The following MAST4 variants were observed in gnomAD, a reference collection of about 807,000 sequenced individuals.
MAST4 encodes microtubule associated serine/threonine kinase family member 4, also known as microtubule-associated serine/threonine-protein kinase 4.
MAST4 carries 89 observed loss-of-function variants against 162.7 expected under a neutral mutation model. The observed-to-expected ratio is 0.55, with a 90% CI of 0.46 to 0.65. The LOEUF (loss-of-function observed/expected upper bound fraction) is 0.65, where lower values mean the gene tolerates loss of function less well. Ranked by LOEUF, MAST4 falls within the 30% of genes least tolerant of loss-of-function variation. The pLI, the probability that MAST4 is intolerant of heterozygous loss-of-function variation, is 0.00. For missense variants in MAST4, 3,153 were observed against 3,374.0 expected, an observed-to-expected ratio of 0.93 and a Z score of 1.62; for synonymous variants, 1,479 against 1,361.1, an observed-to-expected ratio of 1.09 and a Z score of -1.91.
At chr5:66,728,368 A>T (rs996775016) in intron 1 of MAST4, among the ~76,000 whole-genome samples, 2 of 152,180 alleles carry the variant, frequency 1.3e-5, no homozygotes, top group African/African-American at 2.4e-5. Flanking sequence ...ATCCAAGTTG[A>T]GATGGTTCCG....
intron 4 of MAST4, among the ~76,000 whole-genome samples, chr5:66,978,327 C>G (rs1008635253): frequency 6.6e-6 from 1 of 152,108 alleles, no homozygotes; most frequent in African/African-American, 2.4e-5. Context: ...TAAAATGCTC[C>G]TATTCTAGTT....
intron 3 of MAST4, among the ~76,000 whole-genome samples, chr5:66,879,251 C>T (rs1283679504): frequency 6.7e-6 from 1 of 149,012 alleles, no homozygotes; most frequent in Non-Finnish European, 1.5e-5. Flanking sequence ...TGCACTCCAG[C>T]CTGGGTGACA....
intron 3 of MAST4, among the ~76,000 whole-genome samples, chr5:66,837,023 C>CGTGTGTGTGTGTGT (rs544483226): frequency 0.012 from 1,745 of 144,712 alleles, 35 homozygotes; most frequent in African/African-American, 0.038. Context: ...CATGCAGGAT[C>CGTGTGTGTGTGTGT]ATGTGTGTGT....
intron 1 of MAST4, among the ~76,000 whole-genome samples, chr5:66,730,813 A>G (rs1751800160): frequency 6.6e-6 from 1 of 151,838 alleles, no homozygotes; most frequent in South Asian, 2.1e-4. Flanking sequence ...ATGTTGATTG[A>G]CAACATGCCA....
At chr5:66,965,225 C>CTTTTTTTTTTTTTTTTTTTTTTTTA (rs1187971815) in intron 4 of MAST4, among the ~76,000 whole-genome samples, 1 of 84,898 alleles carries the variant, frequency 1.2e-5, no homozygotes. Flanking sequence ...TTTTTTTTTG[C>CTTTTTTTTTTTTTTTTTTTTTTTTA]TTTTTTTTTT....
At chr5:66,849,605 A>G (rs1759153179) in intron 3 of MAST4, among the ~76,000 whole-genome samples, 1 of 152,118 alleles carries the variant, frequency 6.6e-6, no homozygotes, top group Non-Finnish European at 1.5e-5. Flanking sequence ...CCTTCTGCAG[A>G]CCACCATCAC....
At chr5:67,079,830 C>T (rs1762398242) in intron 5 of MAST4, among the ~76,000 whole-genome samples, 2 of 152,176 alleles carry the variant, frequency 1.3e-5, no homozygotes, top group Admixed American at 1.3e-4. Context: ...CTTAATTTAT[C>T]CTTACCACCA....
At chr5:66,758,986 G>A (rs1423244159) in intron 1 of MAST4, among the ~76,000 whole-genome samples, 1 of 152,194 alleles carries the variant, frequency 6.6e-6, no homozygotes, top group East Asian at 1.9e-4. Flanking sequence ...AGTATGAGAG[G>A]CTTTCTTACA....
chr5:66,706,968 C>T (rs1750172961), intron 1 of MAST4, among the ~76,000 whole-genome samples: 1 of 152,140 alleles, frequency 6.6e-6, no homozygotes, highest in South Asian at 2.1e-4. Context: ...CCGTGCTAGC[C>T]TTTCAGTTAC....
chr5:66,749,217 C>G (rs1329536657), intron 1 of MAST4, among the ~76,000 whole-genome samples: 1 of 152,090 alleles, frequency 6.6e-6, no homozygotes, highest in African/African-American at 2.4e-5. Flanking sequence ...CATCATCTCT[C>G]TGCATCCTAA....
intron 4 of MAST4, among the ~76,000 whole-genome samples, chr5:67,053,534 G>A (rs772862791): frequency 6.6e-6 from 1 of 152,144 alleles, no homozygotes; most frequent in Non-Finnish European, 1.5e-5. Flanking sequence ...TCTGACTACT[G>A]TATTGCTAAT....
At chr5:66,911,072 A>T (rs1348221705) in intron 4 of MAST4, among the ~76,000 whole-genome samples, 1 of 152,060 alleles carries the variant, frequency 6.6e-6, no homozygotes, top group East Asian at 1.9e-4. Context: ...AAGTTGTTTT[A>T]TGATGTCACC....
chr5:67,149,313 GTC>G, intron 23 of MAST4, 74 bp from the exon 24 acceptor site: 1 of 1,336,376 alleles, frequency 7.5e-7, no homozygotes, highest in Non-Finnish European at 1.1e-6. Flanking sequence ...TCTTCCTGCT[GTC>G]TCTCTCTTCC....
intron 9 of MAST4, 113 bp downstream of exon 9, chr5:67,102,724 C>T: frequency 1.3e-6 from 1 of 782,934 alleles, no homozygotes; most frequent in Non-Finnish European, 2.2e-6. Flanking sequence ...TAATGATTTG[C>T]ATAAAACAGC....
At chr5:66,672,852 T>C (rs1747693858) in intron 1 of MAST4, among the ~76,000 whole-genome samples, 1 of 152,228 alleles carries the variant, frequency 6.6e-6, no homozygotes, top group African/African-American at 2.4e-5. Flanking sequence ...CATCATTTTA[T>C]AATACTTAAT....
At chr5:66,623,907 A>G (rs1283699910) in intron 1 of MAST4, among the ~76,000 whole-genome samples, 1 of 152,356 alleles carries the variant, frequency 6.6e-6, no homozygotes, top group Non-Finnish European at 1.5e-5. Flanking sequence ...CAGTGAATTC[A>G]GTAAAGTAAG....
chr5:66,940,702 T>C (rs1464901850), intron 4 of MAST4, among the ~76,000 whole-genome samples: 1 of 152,202 alleles, frequency 6.6e-6, no homozygotes. Flanking sequence ...CCCAGTCATC[T>C]GTGAGAGTTG....
chr5:66,711,354 TC>T (rs1750484620), intron 1 of MAST4, among the ~76,000 whole-genome samples: 1 of 152,226 alleles, frequency 6.6e-6, no homozygotes, highest in Non-Finnish European at 1.5e-5. Context: ...TTGGCAGGGC[TC>T]ATTCCTTTTG....
At chr5:67,012,821 G>A (rs918972881) in intron 4 of MAST4, among the ~76,000 whole-genome samples, 3 of 152,182 alleles carry the variant, frequency 2.0e-5, no homozygotes, top group African/African-American at 7.2e-5. Context: ...TACAATAAAA[G>A]GACCTGTGGG....
Sources: allele counts gnomAD v4.1 joint callset (sites outside exome capture counted in the v4.1 genomes callset), GRCh38; gene constraint gnomAD v4.1.1; transcripts MANE v1.5; gene names NCBI Gene and HGNC (gene_info 2026-07-23, HGNC 2026-07-21).